KPNA1: variants seen among roughly 807,000 people sequenced by gnomAD.
The protein encoded by KPNA1 is karyopherin subunit alpha 1.
Under a neutral mutation model 70.5 loss-of-function variants are expected in KPNA1, and 10 were observed. That is an observed-to-expected ratio of 0.14 (90% CI 0.09 to 0.24). The LOEUF (loss-of-function observed/expected upper bound fraction) is 0.24. Ranked by LOEUF, KPNA1 falls within the 10% of genes least tolerant of loss-of-function variation. KPNA1 has a pLI of 1.00. For missense variants in KPNA1, 397 were observed against 637.9 expected, an observed-to-expected ratio of 0.62 and a Z score of 4.07; for synonymous variants, 192 against 221.9, an observed-to-expected ratio of 0.87 and a Z score of 1.20.
At chr3:122,484,827 C>A (rs2076611294) in intron 2 of KPNA1, among the ~76,000 whole-genome samples, 1 of 152,130 alleles carries the variant, frequency 6.6e-6, no homozygotes, top group African/African-American at 2.4e-5. Flanking sequence ...TCCCAGCAGG[C>A]TTTCATGTAC....
chr3:122,440,284 C>A (rs148800528), intron 10 of KPNA1, among the ~76,000 whole-genome samples: 1 of 151,748 alleles, frequency 6.6e-6, no homozygotes, highest in Admixed American at 6.6e-5. Context: ...CAGGGCTTCT[C>A]AGAGAAAATA....
At chr3:122,462,396 A>G (rs907176904) in intron 4 of KPNA1, among the ~76,000 whole-genome samples, 1 of 152,218 alleles carries the variant, frequency 6.6e-6, no homozygotes, top group African/African-American at 2.4e-5. Flanking sequence ...ATGACTATCA[A>G]AATAACTAGC....
chr3:122,463,516 T>C (rs1463750905), intron 4 of KPNA1, among the ~76,000 whole-genome samples: 1 of 137,248 alleles, frequency 7.3e-6, no homozygotes, highest in Non-Finnish European at 1.6e-5. Flanking sequence ...GAGCCGTCTT[T>C]AAAAAAAAAA....
chr3:122,500,297 T>C (rs2076812708), intron 1 of KPNA1, among the ~76,000 whole-genome samples: 1 of 151,978 alleles, frequency 6.6e-6, no homozygotes, highest in African/African-American at 2.4e-5. Flanking sequence ...ACTTTTTGTA[T>C]TTTTAGTAGA....
chr3:122,427,579 G>T lies in KPNA1; in HGVS notation c.1388C>A (p.Thr463Asn). ...CAAAGCACAGTAAGGGTTAATGCCAGTGCCATTCCTTTTGGCTTCCTGTTC... is the reference window on the plus strand; with the variant it reads ...CAAAGCACAGTAAGGGTTAATGCCATTGCCATTCCTTTTGGCTTCCTGTTC... Reference protein sequence around the residue: ...LGEQEAKRNGTGINPYCALIE... With the variant: ...LGEQEAKRNGNGINPYCALIE... The change falls in exon 13 of 14, where the codon ACT becomes AAT. Residue 463 changes from threonine to asparagine, a missense_variant. Physicochemically the swap from Thr to Asn is moderately conservative, Grantham distance 65 (BLOSUM62 0). Transcript: ENST00000344337. The T allele has an allele frequency of 1.9e-6, 3 of 1,614,044 alleles. No homozygotes were observed. Among genetic ancestry groups the T allele is most frequent in the Non-Finnish European group, 2.5e-6 (3 of 1,179,986 alleles).
intron 6 of KPNA1, among the ~76,000 whole-genome samples, chr3:122,453,002 G>A (rs540128711): frequency 5.3e-5 from 8 of 152,094 alleles, no homozygotes; most frequent in Admixed American, 6.5e-5. Context: ...GCTGGAGTGC[G>A]GTGGTGTGAT....
intron 2 of KPNA1, among the ~76,000 whole-genome samples, chr3:122,468,993 T>C (rs2076412155): frequency 6.6e-6 from 1 of 152,082 alleles, no homozygotes; most frequent in South Asian, 2.1e-4. Flanking sequence ...GGAATGGAAC[T>C]ATCAGGAGGA....
chr3:122,445,303 C>A (rs1260560994), intron 9 of KPNA1, among the ~76,000 whole-genome samples: 2 of 152,220 alleles, frequency 1.3e-5, no homozygotes, highest in African/African-American at 4.8e-5. Context: ...GAAAGGATAT[C>A]AGTGACTGAA....
At chr3:122,509,582 G>A (rs950463537) in intron 1 of KPNA1, among the ~76,000 whole-genome samples, 2 of 151,892 alleles carry the variant, frequency 1.3e-5, no homozygotes, top group East Asian at 3.9e-4. Context: ...AATCAATGTT[G>A]AATAAAAAAG....
chr3:122,489,054 G>T (rs746554106), intron 2 of KPNA1, among the ~76,000 whole-genome samples: 24 of 55,266 alleles, frequency 4.3e-4, no homozygotes, highest in African/African-American at 1.3e-3. Context: ...GTTTTTTTGC[G>T]TGCGTGTGTG....
Position 122,507,984 on chromosome 3 carries a change from AC to A in KPNA1, c.-6+6772del, listed in dbSNP as rs1229902694. 2.0e-5 allele frequency among the ~76,000 whole-genome samples: 3 copies of A among 152,184 alleles called. No homozygotes were observed. The East Asian group carries it at 5.8e-4, about 29-fold the overall frequency. ...GCACTTTTCTTCCCATATCATATTA[AC>A]TCAAAGCCAGAAATTCAATTTTAAT... On this transcript the variant is annotated intron_variant, in intron 1 of 13. Transcript: ENST00000344337.
chr3:122,450,804 G>A (rs1015626528), intron 8 of KPNA1, among the ~76,000 whole-genome samples: 1 of 152,130 alleles, frequency 6.6e-6, no homozygotes, highest in Admixed American at 6.5e-5. Context: ...ACTTGTATAC[G>A]CAGGTTTATA....
At chr3:122,429,446 CAAA>C (rs57991855) in intron 12 of KPNA1, among the ~76,000 whole-genome samples, 4 of 58,780 alleles carry the variant, frequency 6.8e-5, no homozygotes, top group Non-Finnish European at 1.2e-4. Context: ...AACTCTGTCT[CAAA>C]AAAAAAAAAA....
At chr3:122,456,577 A>AG (rs2076267406) in intron 5 of KPNA1, among the ~76,000 whole-genome samples, 1 of 152,216 alleles carries the variant, frequency 6.6e-6, no homozygotes. Context: ...AGGGGAAATG[A>AG]GGGAGAATTC....
At chr3:122,488,744 A>G (rs2076659351) in intron 2 of KPNA1, among the ~76,000 whole-genome samples, 1 of 152,134 alleles carries the variant, frequency 6.6e-6, no homozygotes, top group Non-Finnish European at 1.5e-5. Flanking sequence ...CTGTGATGTC[A>G]TCCTTATCTC....
At position 122,424,781 on chromosome 3, in the gene KPNA1, T is replaced by C. The variant is rs2075800325; in HGVS notation, c.*2204A>G. On this transcript the variant is annotated 3_prime_UTR_variant, in exon 14 of 14. Coordinates refer to ENST00000344337, the MANE Select transcript of KPNA1 (RefSeq NM_002264.4). ...TTTAAAACATCCTATAGAAATGACA[T>C]GTTACTAGTAATTTACAATTTTAAA... The C allele has an allele frequency of 1.3e-5, 2 of 152,120 alleles. No individual in the cohort carries two copies. The highest frequency in any genetic ancestry group is 2.9e-5 in the Non-Finnish European group (2 of 68,034). 9.4% of individuals were successfully genotyped at this position (152,120 alleles called of 1,614,324 possible).
intron 1 of KPNA1, among the ~76,000 whole-genome samples, chr3:122,503,175 T>C (rs2076849394): frequency 6.6e-6 from 1 of 152,044 alleles, no homozygotes; most frequent in Admixed American, 6.6e-5. Context: ...AAAATTAGAC[T>C]TAAGGAAGTA....
chr3:122,435,248 G>A (rs1211467265), intron 11 of KPNA1, among the ~76,000 whole-genome samples: 1 of 152,082 alleles, frequency 6.6e-6, no homozygotes, highest in Non-Finnish European at 1.5e-5. Context: ...TGATCTCTCT[G>A]TTTCCATTCA....
At chr3:122,447,217 CAAA>C (rs993301154) in intron 9 of KPNA1, among the ~76,000 whole-genome samples, 1 of 152,016 alleles carries the variant, frequency 6.6e-6, no homozygotes, top group Non-Finnish European at 1.5e-5. Context: ...GACACAACAA[CAAA>C]AAAGAAAATT....
Sources: allele counts gnomAD v4.1 joint callset (sites outside exome capture counted in the v4.1 genomes callset), GRCh38; gene constraint gnomAD v4.1.1; transcripts MANE v1.5; gene names NCBI Gene and HGNC (gene_info 2026-07-23, HGNC 2026-07-21).